KCNH5: variants seen among roughly 807,000 people sequenced by gnomAD.
The protein encoded by KCNH5 is potassium voltage-gated channel subfamily H member 5.
KCNH5 carries 46 observed loss-of-function variants against 96.1 expected under a neutral mutation model. That is an observed-to-expected ratio of 0.48 (90% CI 0.38 to 0.61). KCNH5 has a LOEUF of 0.61. Among genes scored for constraint, KCNH5 ranks in the 20% least tolerant of loss-of-function variants. The probability of loss-of-function intolerance (pLI) is 0.00; values close to 1 mark genes in which losing one functional copy is unlikely to be tolerated. For missense variants in KCNH5, 907 were observed against 1,225.8 expected (o/e 0.74, Z 3.88); for synonymous variants, 439 against 449.8 (o/e 0.98, Z 0.30).
chr14:63,013,739 A>G (rs8011714), intron 2 of KCNH5, among the ~76,000 whole-genome samples: 38,495 of 151,682 alleles, frequency 0.25, 6,399 homozygotes, highest in East Asian at 0.52. Flanking sequence ...GTTTTATTTC[A>G]TTTTAGGCTT....
At chr14:62,999,223 C>T (rs1890966293) in intron 4 of KCNH5, among the ~76,000 whole-genome samples, 1 of 152,148 alleles carries the variant, frequency 6.6e-6, no homozygotes, top group African/African-American at 2.4e-5. Context: ...TTAATGATTG[C>T]CATTCTAACT....
intron 7 of KCNH5, among the ~76,000 whole-genome samples, chr14:62,901,279 C>T (rs1177898056): frequency 6.6e-6 from 1 of 151,090 alleles, no homozygotes; most frequent in Non-Finnish European, 1.5e-5. Flanking sequence ...GATTTCTTAC[C>T]TAGGTATATT....
intron 9 of KCNH5, among the ~76,000 whole-genome samples, chr14:62,788,832 A>G (rs7149270): frequency 0.098 from 14,864 of 152,090 alleles, 1,104 homozygotes; most frequent in African/African-American, 0.2. Flanking sequence ...TTCTAGACAT[A>G]ATGTTATTGC....
intron 9 of KCNH5, among the ~76,000 whole-genome samples, chr14:62,791,549 G>A (rs1298921016): frequency 6.6e-6 from 1 of 151,516 alleles, no homozygotes; most frequent in Non-Finnish European, 1.5e-5. Context: ...TAGATTTAAG[G>A]ACACACATGG....
intron 7 of KCNH5, among the ~76,000 whole-genome samples, chr14:62,886,121 GACACACAC>G (rs58900799): frequency 0.01 from 1,537 of 147,880 alleles, 22 homozygotes; most frequent in East Asian, 0.019. Flanking sequence ...ACCTGCAGAG[GACACACAC>G]ACACACACAC....
intron 10 of KCNH5, among the ~76,000 whole-genome samples, chr14:62,763,512 G>A (rs916323545): frequency 2.6e-5 from 4 of 151,998 alleles, no homozygotes; most frequent in Admixed American, 2.6e-4. Flanking sequence ...TGCAAATCTA[G>A]CAGAAGAAAA....
At chr14:62,774,503 G>A (rs2139969745) in intron 10 of KCNH5, among the ~76,000 whole-genome samples, 1 of 152,280 alleles carries the variant, frequency 6.6e-6, no homozygotes, top group African/African-American at 2.4e-5. Context: ...TAGGTAAAAT[G>A]GGAGGAACTG....
intron 1 of KCNH5, among the ~76,000 whole-genome samples, chr14:63,037,594 A>T (rs774236830): frequency 6.6e-6 from 1 of 152,178 alleles, no homozygotes; most frequent in Non-Finnish European, 1.5e-5. Context: ...CCCCAAATTT[A>T]AAAAATAAAA....
chr14:62,909,146 C>T (rs1007821123), intron 7 of KCNH5, among the ~76,000 whole-genome samples: 1 of 143,904 alleles, frequency 6.9e-6, no homozygotes, highest in Non-Finnish European at 1.5e-5. Context: ...CCCGGGTTCA[C>T]GCCATTCTCC....
intron 9 of KCNH5, among the ~76,000 whole-genome samples, chr14:62,786,705 AGC>A (rs1886327373): frequency 6.6e-6 from 1 of 152,156 alleles, no homozygotes; most frequent in African/African-American, 2.4e-5. Flanking sequence ...TATTTCTAAC[AGC>A]ATGTGATCAT....
chr14:62,868,093 G>A (rs1030905996), intron 7 of KCNH5, among the ~76,000 whole-genome samples: 2 of 152,238 alleles, frequency 1.3e-5, no homozygotes, highest in African/African-American at 4.8e-5. Flanking sequence ...AATCAATGCA[G>A]AATGAACAAA....
At chr14:62,921,957 A>G (rs1242379777) in intron 7 of KCNH5, among the ~76,000 whole-genome samples, 1 of 152,248 alleles carries the variant, frequency 6.6e-6, no homozygotes, top group Non-Finnish European at 1.5e-5. Flanking sequence ...AGCTTAAAAC[A>G]TGCTTGCAAT....
chr14:62,910,469 T>C (rs1305510322), intron 7 of KCNH5, among the ~76,000 whole-genome samples: 1 of 151,862 alleles, frequency 6.6e-6, no homozygotes, highest in Non-Finnish European at 1.5e-5. Flanking sequence ...AAAAAACAAA[T>C]AGAATCAACT....
At chr14:62,728,914 G>A (rs767011188) in intron 10 of KCNH5, among the ~76,000 whole-genome samples, 119 of 152,272 alleles carry the variant, frequency 7.8e-4, no homozygotes, top group Non-Finnish European at 1.3e-3. Context: ...AGAGCATGGG[G>A]CATTTAAAGA....
chr14:62,890,013 A>C (rs953165535), intron 7 of KCNH5, among the ~76,000 whole-genome samples: 2 of 152,216 alleles, frequency 1.3e-5, no homozygotes, highest in Non-Finnish European at 2.9e-5. Context: ...TGGTGCTGGG[A>C]GAACTGGCTA....
rs192168496 is a variant in KCNH5, at chr14:62,908,736, C to T, written c.1369+41397G>A. Among the ~76,000 whole-genome samples, 6 of 148,060 alleles carry T rather than the reference C, an allele frequency of 4.1e-5. No individual in the cohort carries two copies. In the East Asian group the frequency reaches 1.2e-3, roughly 30 times the overall value. On this transcript the variant is annotated intron_variant, in intron 7 of 10. Transcript: ENST00000322893. ...TTGGAAGATTGTGCCCAGTGTCCTC[C>T]AGACTTTGCCCCATGTGCCTTTGCC...
At chr14:62,746,507 G>A (rs1885378084) in intron 10 of KCNH5, among the ~76,000 whole-genome samples, 1 of 152,230 alleles carries the variant, frequency 6.6e-6, no homozygotes, top group Non-Finnish European at 1.5e-5. Context: ...TGCCCAGATG[G>A]CACAGGTGCC....
intron 8 of KCNH5, among the ~76,000 whole-genome samples, chr14:62,846,475 A>T (rs1173959241): frequency 6.6e-6 from 1 of 151,966 alleles, no homozygotes; most frequent in Non-Finnish European, 1.5e-5. Context: ...AATTAAATAT[A>T]TTCACATATT....
chr14:62,741,800 T>C (rs547886052), intron 10 of KCNH5, among the ~76,000 whole-genome samples: 9 of 152,304 alleles, frequency 5.9e-5, no homozygotes, highest in Admixed American at 4.6e-4. Context: ...ATTTGTGTTT[T>C]AAAATAAATC....
Sources: allele counts gnomAD v4.1 joint callset (sites outside exome capture counted in the v4.1 genomes callset), GRCh38; gene constraint gnomAD v4.1.1; transcripts MANE v1.5; gene names NCBI Gene and HGNC (gene_info 2026-07-23, HGNC 2026-07-21).